The following ERC2 variants were observed in gnomAD, a reference collection of about 807,000 sequenced individuals.
ERC2 encodes the protein ELKS/RAB6-interacting/CAST family member 2, also known as ERC protein 2.
Under a neutral mutation model 114.8 loss-of-function variants are expected in ERC2, and 42 were observed. The observed-to-expected ratio is 0.37, with a 90% confidence interval of 0.29 to 0.47. The LOEUF (loss-of-function observed/expected upper bound fraction) is 0.47, where lower values mean the gene tolerates loss of function less well. Ranked by LOEUF, ERC2 falls within the 20% of genes least tolerant of loss-of-function variation. The probability of loss-of-function intolerance (pLI) is 0.99; values close to 1 mark genes in which losing one functional copy is unlikely to be tolerated. For synonymous variants in ERC2, 454 were observed against 425.5 expected, an observed-to-expected ratio of 1.07 and a Z score of -0.82; for missense variants, 939 against 1,150.7, an observed-to-expected ratio of 0.82 and a Z score of 2.66.
intron 15 of ERC2, among the ~76,000 whole-genome samples, chr3:55,732,526 G>T (rs80167769): frequency 7.2e-4 from 109 of 152,210 alleles, no homozygotes; most frequent in African/African-American, 2.5e-3. Flanking sequence ...TAAAGGCTTC[G>T]TGCAGGTTCC....
intron 6 of ERC2, among the ~76,000 whole-genome samples, chr3:56,089,536 T>C (rs527677029): frequency 6.6e-6 from 1 of 152,294 alleles, no homozygotes; most frequent in Non-Finnish European, 1.5e-5. Context: ...GTAATCAATA[T>C]GAAAAATATT....
At chr3:55,684,794 G>C (rs575414372) in intron 16 of ERC2, among the ~76,000 whole-genome samples, 1 of 152,262 alleles carries the variant, frequency 6.6e-6, no homozygotes, top group African/African-American at 2.4e-5. Context: ...ACAGTTTACT[G>C]CAAGGATTGA....
At chr3:55,799,411 C>A (rs1474292048) in intron 14 of ERC2, among the ~76,000 whole-genome samples, 1 of 111,848 alleles carries the variant, frequency 8.9e-6, no homozygotes, top group Non-Finnish European at 1.7e-5. Context: ...ATATATATGC[C>A]TTATATATAT....
intron 14 of ERC2, among the ~76,000 whole-genome samples, chr3:55,850,982 C>T (rs57688760): frequency 0.081 from 12,368 of 151,764 alleles, 775 homozygotes; most frequent in African/African-American, 0.17. Flanking sequence ...TATTTGCCTT[C>T]CAAGTCTGAT....
Position 56,434,572 on chromosome 3 carries a change from T to C in ERC2, c.436A>G (p.Thr146Ala). 1.9e-6 allele frequency: 3 copies of C among 1,614,004 alleles called. No individual in the cohort carries two copies. The highest frequency in any genetic ancestry group is 1.1e-5 in the South Asian group (1 of 91,090). ...PSMLRQVRDS[T>A]MLDLQAQLKE... ...AGCTGGGCCTGAAGATCTAACATTG[T>C]GCTGTCTCTTACCTGCCTCAACATG... Residue 146 changes from threonine (T) to alanine (A), a missense_variant, in exon 2 of 18, where the codon ACA (threonine) becomes GCA (alanine). This residue lies in a region of ERC2 where 281 missense variants were observed against 307.4 expected (regional missense o/e 0.91). Coordinates refer to ENST00000288221, the MANE Select transcript of ERC2 (RefSeq NM_015576.3).
chr3:56,084,117 A>G (rs2077382584), intron 6 of ERC2, among the ~76,000 whole-genome samples: 1 of 152,222 alleles, frequency 6.6e-6, no homozygotes, highest in Non-Finnish European at 1.5e-5. Context: ...AAAAATGCTC[A>G]ACATCACTAA....
intron 10 of ERC2, 91 bp downstream of exon 10, chr3:56,007,090 G>T (rs2072551298): frequency 8.9e-7 from 1 of 1,128,350 alleles, no homozygotes; most frequent in Non-Finnish European, 1.2e-6. Context: ...ACAGATAAGG[G>T]GTTTGTTTCT....
intron 17 of ERC2, among the ~76,000 whole-genome samples, chr3:55,637,433 C>A (rs1404033303): frequency 6.6e-6 from 1 of 152,126 alleles, no homozygotes; most frequent in Admixed American, 6.5e-5. Flanking sequence ...AGGGACCAGG[C>A]CCATGTGCAG....
chr3:55,722,095 G>C (rs1053150288), intron 15 of ERC2, among the ~76,000 whole-genome samples: 1 of 152,112 alleles, frequency 6.6e-6, no homozygotes, highest in Non-Finnish European at 1.5e-5. Flanking sequence ...TAAAGTTATA[G>C]TCTTTTTGCC....
At chr3:55,877,173 T>A (rs2062889555) in intron 14 of ERC2, among the ~76,000 whole-genome samples, 2 of 152,214 alleles carry the variant, frequency 1.3e-5, no homozygotes, top group African/African-American at 4.8e-5. Flanking sequence ...CTGCCTTATG[T>A]GTCATAGGAT....
At chr3:56,246,762 T>A (rs756487948) in intron 3 of ERC2, among the ~76,000 whole-genome samples, 8 of 152,240 alleles carry the variant, frequency 5.3e-5, no homozygotes, top group Non-Finnish European at 1.2e-4. Context: ...ACAGGCTTTC[T>A]CTTTGTCTTC....
intron 6 of ERC2, among the ~76,000 whole-genome samples, chr3:56,121,145 TTCTA>T (rs1441734344): frequency 1.3e-5 from 2 of 152,198 alleles, no homozygotes; most frequent in Non-Finnish European, 2.9e-5. Context: ...ATGGGGATAG[TTCTA>T]TCTATTTTGC....
In ERC2 at chr3:56,320,099, G is replaced by A. The variant is rs1049636821; in HGVS notation, c.658-23664C>T. Among the ~76,000 whole-genome samples the A allele has an allele frequency of 2.6e-5, 4 of 152,096 alleles. No homozygotes were observed. The East Asian group carries it at 7.7e-4, about 29-fold the overall frequency. Reference sequence around the variant, plus strand: ...GGAGTGGTTCAGGAGTTCCTCCAAGGGAATACAACGGGGAGGCTTTTATAG... The same window carrying A: ...GGAGTGGTTCAGGAGTTCCTCCAAGAGAATACAACGGGGAGGCTTTTATAG... On this transcript the variant is annotated intron_variant, in intron 2 of 17. Transcript: ENST00000288221.
intron 15 of ERC2, among the ~76,000 whole-genome samples, chr3:55,713,096 TTCTCTCTC>T (rs143906006): frequency 1.5e-4 from 20 of 135,108 alleles, no homozygotes; most frequent in South Asian, 7.2e-4. Flanking sequence ...TCCTCTGCCA[TTCTCTCTC>T]TCTCTCTCTC....
At chr3:56,119,155 G>A (rs1333412612) in intron 6 of ERC2, among the ~76,000 whole-genome samples, 1 of 152,158 alleles carries the variant, frequency 6.6e-6, no homozygotes, top group Non-Finnish European at 1.5e-5. Context: ...TGTCCTGCAG[G>A]CCATAGTTTG....
intron 13 of ERC2, among the ~76,000 whole-genome samples, chr3:55,941,773 T>C (rs755894282): frequency 5.9e-5 from 9 of 152,216 alleles, no homozygotes; most frequent in Non-Finnish European, 1.0e-4. Flanking sequence ...ATGGCAAAGA[T>C]ATAAATAACT....
At chr3:55,951,657 A>T (rs1260174343) in intron 12 of ERC2, among the ~76,000 whole-genome samples, 1 of 152,084 alleles carries the variant, frequency 6.6e-6, no homozygotes, top group African/African-American at 2.4e-5. Context: ...GCATTGACAC[A>T]AGAGGAGGGA....
chr3:56,425,332 T>C (rs1403453083), intron 2 of ERC2, among the ~76,000 whole-genome samples: 4 of 152,120 alleles, frequency 2.6e-5, no homozygotes, highest in African/African-American at 9.7e-5. Flanking sequence ...TCTTGACCTT[T>C]CAATTGTGAC....
At chr3:55,937,395 G>A (rs774995764) in intron 13 of ERC2, among the ~76,000 whole-genome samples, 70 of 152,308 alleles carry the variant, frequency 4.6e-4, no homozygotes, top group South Asian at 1.0e-3. Context: ...GCCTGGTAAA[G>A]AGATAAAAAA....
Sources: allele counts gnomAD v4.1 joint callset (sites outside exome capture counted in the v4.1 genomes callset), GRCh38; gene constraint gnomAD v4.1.1; regional missense constraint gnomAD v4.1.1; transcripts MANE v1.5; gene names NCBI Gene and HGNC (gene_info 2026-07-23, HGNC 2026-07-21).